Variants in PARD3B observed in about 807,000 individuals in gnomAD.
PARD3B encodes the protein partitioning defective 3 homolog B.
Under a neutral mutation model 130.2 loss-of-function variants are expected in PARD3B, and 103 were observed. The observed-to-expected ratio is 0.79, with a 90% CI of 0.67 to 0.93. The LOEUF (loss-of-function observed/expected upper bound fraction) is 0.93, where lower values mean the gene tolerates loss of function less well. Among genes scored for constraint, PARD3B ranks in the 40% least tolerant of loss-of-function variants. The probability of loss-of-function intolerance (pLI) is 0.00; values close to 1 mark genes in which losing one functional copy is unlikely to be tolerated. For synonymous variants in PARD3B, 583 were observed against 553.2 expected, an observed-to-expected ratio of 1.05 and a Z score of -0.76; for missense variants, 1,609 against 1,499.2, an observed-to-expected ratio of 1.07 and a Z score of -1.21.
chr2:205,437,953 G>A (rs1311856740), intron 19 of PARD3B, among the ~76,000 whole-genome samples: 1 of 151,896 alleles, frequency 6.6e-6, no homozygotes, highest in Non-Finnish European at 1.5e-5. Context: ...GTGGGGGTGA[G>A]GGTCAAAGCT....
Position 204,770,521 on chromosome 2 carries a change from G to A in PARD3B, c.222+84239G>A, listed in dbSNP as rs142736223. Among the ~76,000 whole-genome samples the A allele has an allele frequency of 1.6e-3, 242 of 152,024 alleles. 9 individuals carry two copies. In the East Asian group the frequency reaches 0.042, roughly 26 times the overall value. ...AGTTCTGTAGATGTCTATTAGGTCT[G>A]CTTGGTGCAGAGCTGAGTTTCTTGT... On this transcript the variant is annotated intron_variant, in intron 2 of 22. Transcript: ENST00000406610.
At chr2:205,204,080 G>C (rs1394216771) in intron 15 of PARD3B, among the ~76,000 whole-genome samples, 1 of 152,138 alleles carries the variant, frequency 6.6e-6, no homozygotes, top group African/African-American at 2.4e-5. Context: ...CAATGTAAAA[G>C]TATTCCTATT....
rs2048784341 is a variant in PARD3B, at chr2:205,470,418, T to C, written c.3045-29478T>C. Among the ~76,000 whole-genome samples the C allele has an allele frequency of 6.6e-6, 1 of 152,198 alleles. No homozygotes were observed. The highest frequency in any genetic ancestry group is 1.5e-5 in the Non-Finnish European group (1 of 68,044). ...ATTTCTTTGTTAACCACAGTGCCCA[T>C]GTATCCACTGTCAGATGACTCCCTC... On this transcript the variant is annotated intron_variant, in intron 20 of 22. Transcript: ENST00000406610. This position sits in a 1 kb window ranked among gnomAD's most constrained non-coding sequence, Gnocchi z 4.8.
rs561376026 is a variant in PARD3B at position 204,788,225 on chromosome 2, G to A, written c.222+101943G>A. On this transcript the variant is annotated intron_variant, in intron 2 of 22. Transcript: ENST00000406610. ...CACCCTTAACAGGGAAAGTGGCTGA[G>A]ATACGCTGATACTTTTCAAAGAAGA... Among the ~76,000 whole-genome samples, 3 of 152,292 alleles carry A rather than the reference G, an allele frequency of 2.0e-5. No individual in the cohort carries two copies. In the South Asian group the frequency reaches 6.2e-4, roughly 32 times the overall value.
rs139842384 is a variant in PARD3B, at chr2:205,572,519, C to T, written c.3260+19116C>T. Among the ~76,000 whole-genome samples, 315 of 152,216 alleles carry T rather than the reference C, an allele frequency of 2.1e-3. 1 individual carries two copies. The highest frequency in any genetic ancestry group is 6.8e-3 in the African/African-American group (282 of 41,532). On this transcript the variant is annotated intron_variant, in intron 22 of 22. Transcript: ENST00000406610. This position sits in a 1 kb window ranked among gnomAD's most constrained non-coding sequence, Gnocchi z 4.2. Reference sequence around the variant, plus strand: ...CAGCACTTTGGGAGGCCAAGGCAGGCGGATTGCCTGAGCTCAGGAGTTTGA... The same window carrying T: ...CAGCACTTTGGGAGGCCAAGGCAGGTGGATTGCCTGAGCTCAGGAGTTTGA...
chr2:205,159,953 G>A (rs759911881), intron 11 of PARD3B, among the ~76,000 whole-genome samples: 5 of 152,144 alleles, frequency 3.3e-5, no homozygotes, highest in South Asian at 2.1e-4. Flanking sequence ...GAAAATAATC[G>A]TGATATGAAT....
At chr2:204,712,196 C>A (rs1038756104) in intron 2 of PARD3B, among the ~76,000 whole-genome samples, 5 of 152,138 alleles carry the variant, frequency 3.3e-5, no homozygotes, top group Non-Finnish European at 4.4e-5. Flanking sequence ...TAACAAAAAT[C>A]TTTAATGGTT....
At chr2:205,277,491 G>A (rs979661099) in intron 16 of PARD3B, among the ~76,000 whole-genome samples, 3 of 152,166 alleles carry the variant, frequency 2.0e-5, no homozygotes, top group Admixed American at 6.5e-5. Context: ...TAATAGAAAT[G>A]AGAGATCTGG....
At chr2:205,335,733 T>A (rs2043290953) in intron 18 of PARD3B, among the ~76,000 whole-genome samples, 1 of 151,984 alleles carries the variant, frequency 6.6e-6, no homozygotes, top group Admixed American at 6.5e-5. Flanking sequence ...GCAAGTCACA[T>A]CTTACATGGA....
chr2:204,571,988 A>G (rs61280844), intron 1 of PARD3B, among the ~76,000 whole-genome samples: 6,597 of 152,220 alleles, frequency 0.043, 407 homozygotes, highest in East Asian at 0.14. Context: ...ATAACCGTGT[A>G]ACTTTTTTTC....
At chr2:204,613,493 G>A (rs115906790) in intron 1 of PARD3B, among the ~76,000 whole-genome samples, 3,037 of 151,956 alleles carry the variant, frequency 0.02, 94 homozygotes, top group African/African-American at 0.07. Context: ...TTTATCCTTC[G>A]CCTATTCTCA....
intron 1 of PARD3B, among the ~76,000 whole-genome samples, chr2:204,633,928 A>T (rs1410166101): frequency 6.6e-6 from 1 of 152,222 alleles, no homozygotes; most frequent in African/African-American, 2.4e-5. Flanking sequence ...ATGTGAAACA[A>T]GCACATGATG....
chr2:204,988,901 A>G (rs1001711281), intron 3 of PARD3B, among the ~76,000 whole-genome samples: 3 of 152,172 alleles, frequency 2.0e-5, no homozygotes, highest in African/African-American at 7.2e-5. Context: ...TTAACAATGA[A>G]AAGAATGGAC....
chr2:204,835,441 C>A (rs1466062589), intron 2 of PARD3B, among the ~76,000 whole-genome samples: 2 of 152,108 alleles, frequency 1.3e-5, no homozygotes, highest in Non-Finnish European at 2.9e-5. Flanking sequence ...CCATTGATCC[C>A]TCCCTGCCCC....
rs562502948 is a variant in PARD3B, at chr2:204,611,723, C to T, written c.120+65604C>T. Among the ~76,000 whole-genome samples the T allele has an allele frequency of 2.3e-4, 35 of 152,218 alleles. 1 individual carries two copies. In the South Asian group the frequency reaches 6.9e-3, roughly 30 times the overall value. ...TACTATATACATGTATGGACTAATT[C>T]GGACAAAGTCTCCAATTATTTTAAA... On this transcript the variant is annotated intron_variant, in intron 1 of 22. Transcript: ENST00000406610.
intron 15 of PARD3B, among the ~76,000 whole-genome samples, chr2:205,199,930 G>A (rs940880775): frequency 6.6e-6 from 1 of 151,600 alleles, no homozygotes; most frequent in African/African-American, 2.4e-5. Context: ...GAAACAACTG[G>A]TAATCTCAAT....
rs2041127103 is a variant in PARD3B, at chr2:205,280,003, G to A, written c.2186-20527G>A. ...TATTTTCATTCCAGAGTCATACTTT[G>A]TGCTGAACCATGAAAAGCAAAGCTA... is the stretch of plus-strand genomic sequence containing the variant. On this transcript the variant is annotated intron_variant, in intron 16 of 22. Coordinates refer to ENST00000406610, the MANE Select transcript of PARD3B (RefSeq NM_001302769.2). This position sits in a 1 kb window ranked among gnomAD's most constrained non-coding sequence, Gnocchi z 4.7. Among the ~76,000 whole-genome samples, 1 of 152,108 alleles carries A rather than the reference G, an allele frequency of 6.6e-6. No homozygotes were observed. Among genetic ancestry groups the A allele is most frequent in the African/African-American group, 2.4e-5 (1 of 41,406 alleles).
In PARD3B at chr2:205,421,159, C is replaced by T. The variant is rs148501390; in HGVS notation, c.2742-19211C>T. 1.3e-3 allele frequency among the ~76,000 whole-genome samples: 199 copies of T among 151,776 alleles called. 2 individuals carry two copies. The highest frequency in any genetic ancestry group is 1.2e-4 in the Non-Finnish European group (8 of 67,874). ...AACAAAAAAAACAAAACAAAAAAAA[C>T]GGAAAAGAAAATATGTGCTGTATAT... On this transcript the variant is annotated intron_variant, in intron 19 of 22. Transcript: ENST00000406610. The surrounding 1 kb of genome is among the most constrained non-coding windows in gnomAD (Gnocchi z 5.1).
chr2:205,138,435 A>T (rs1255347281), intron 10 of PARD3B, among the ~76,000 whole-genome samples: 1 of 152,186 alleles, frequency 6.6e-6, no homozygotes, highest in East Asian at 1.9e-4. Context: ...CACATAGAGA[A>T]TTACTCTTTT....
Sources: gnomAD v4.1 joint callset for allele counts (sites outside exome capture counted in the v4.1 genomes callset) on GRCh38, gnomAD v4.1.1 for gene constraint, Gnocchi (gnomAD v3.1) non-coding constraint, MANE v1.5 for transcripts, NCBI Gene and HGNC (gene_info 2026-07-23, HGNC 2026-07-21) for gene names.